Variants in RPGRIP1L observed in about 807,000 individuals in gnomAD.
RPGRIP1L encodes protein fantom.
A neutral mutation model predicts 160.4 loss-of-function variants in RPGRIP1L; 131 were observed. The ratio of observed to expected loss-of-function variants is 0.82; its 90% CI spans 0.71 to 0.94. The LOEUF (loss-of-function observed/expected upper bound fraction) is 0.94. Ranked by LOEUF, RPGRIP1L falls within the 40% of genes least tolerant of loss-of-function variation. The probability of loss-of-function intolerance (pLI) is 0.00; values close to 1 mark genes in which losing one functional copy is unlikely to be tolerated. For missense variants in RPGRIP1L, 1,522 were observed against 1,535.8 expected, an observed-to-expected ratio of 0.99 and a Z score of 0.15; for synonymous variants, 510 against 515.8, an observed-to-expected ratio of 0.99 and a Z score of 0.15.
intron 23 of RPGRIP1L, among the ~76,000 whole-genome samples, chr16:53,621,732 G>A (rs1964725994): frequency 6.6e-6 from 1 of 152,206 alleles, no homozygotes; most frequent in Admixed American, 6.5e-5. Context: ...TGATTAAAAA[G>A]TTCAACTAGG....
chr16:53,648,887 A>G (rs2151100963), intron 16 of RPGRIP1L, 77 bp downstream of exon 16: 2 of 1,309,356 alleles, frequency 1.5e-6, no homozygotes, highest in East Asian at 2.4e-5. Context: ...AAATGATTTT[A>G]GTTTAAAGCA....
At chr16:53,625,475 T>C (rs1220611754) in intron 22 of RPGRIP1L, among the ~76,000 whole-genome samples, 5 of 130,216 alleles carry the variant, frequency 3.8e-5, no homozygotes, top group Admixed American at 3.0e-4. Context: ...ATCTGGGGGC[T>C]GGGGGGGGCG....
rs1452057408 is a variant in RPGRIP1L, at chr16:53,598,498, A to C, written c.*3578T>G. On this transcript the variant is annotated 3_prime_UTR_variant, in exon 27 of 27. Transcript: ENST00000647211. ...GGTGCAGTCCACTGGTGGCACTTTG[A>C]AATGGAAGTGAAAATTCTACCTTGT... 1 of 152,220 alleles carries C rather than the reference A, an allele frequency of 6.6e-6. No homozygotes were observed. The highest frequency in any genetic ancestry group is 1.9e-4 in the East Asian group (1 of 5,202). The allele number at this position is 152,220 out of a possible 1,614,324, so 9.4% of individuals were successfully genotyped here.
chr16:53,648,555 T>C (rs942678763), intron 16 of RPGRIP1L, among the ~76,000 whole-genome samples: 20 of 152,164 alleles, frequency 1.3e-4, no homozygotes, highest in Non-Finnish European at 2.5e-4. Flanking sequence ...GTGGTAGTTA[T>C]ATGAATCTAT....
chr16:53,671,465 G>T (rs758887350), intron 9 of RPGRIP1L, 45 bp downstream of exon 9: 1 of 1,215,016 alleles, frequency 8.2e-7, no homozygotes, highest in Admixed American at 1.7e-5. Context: ...ACATATAAAA[G>T]AGCTCAAACA....
intron 26 of RPGRIP1L, among the ~76,000 whole-genome samples, chr16:53,603,011 G>A (rs1963463042): frequency 6.6e-6 from 1 of 152,190 alleles, no homozygotes. Context: ...TTGAGTATAT[G>A]TAGGATTTTC....
chr16:53,657,159 G>A (rs1024477439), intron 13 of RPGRIP1L, among the ~76,000 whole-genome samples: 1 of 151,982 alleles, frequency 6.6e-6, no homozygotes, highest in African/African-American at 2.4e-5. Context: ...AGAATCACTT[G>A]AACCTGGGAG....
chr16:53,674,954 G>T, intron 7 of RPGRIP1L, 63 bp downstream of exon 7: 1 of 1,117,876 alleles, frequency 8.9e-7, no homozygotes, highest in Non-Finnish European at 1.3e-6. Context: ...AAAACAACTT[G>T]AATACTACTT....
chr16:53,643,360 T>C (rs1223049152), intron 17 of RPGRIP1L, among the ~76,000 whole-genome samples: 1 of 149,688 alleles, frequency 6.7e-6, no homozygotes, highest in Middle Eastern at 3.5e-3. Flanking sequence ...TTATAGCTCA[T>C]GATGTGGAAG....
chr16:53,671,380 G>T (rs1263743959), intron 9 of RPGRIP1L, 130 bp downstream of exon 9: 3 of 664,382 alleles, frequency 4.5e-6, no homozygotes, highest in Non-Finnish European at 8.0e-6. Flanking sequence ...CCTTTATACA[G>T]TTTGCATATT....
At chr16:53,634,158 C>CA (rs56662526) in intron 22 of RPGRIP1L, among the ~76,000 whole-genome samples, 7,781 of 152,252 alleles carry the variant, frequency 0.051, 407 homozygotes, top group East Asian at 0.31. Context: ...TGTGTTCTTA[C>CA]ATGGCAGAAG....
chr16:53,694,088 T>G (rs1009527119), intron 3 of RPGRIP1L: 1 of 152,202 alleles, frequency 6.6e-6, no homozygotes, highest in Admixed American at 6.5e-5. Flanking sequence ...TTGATTATTT[T>G]ATCATATTAA....
In RPGRIP1L at chr16:53,652,595, A is replaced by G; in HGVS notation, c.2092T>C (p.Leu698=). The G allele has an allele frequency of 6.2e-7, 1 of 1,614,138 alleles. No individual in the cohort carries two copies. The highest frequency in any genetic ancestry group is 8.5e-7 in the Non-Finnish European group (1 of 1,179,996). Residue 698 remains leucine (L), a synonymous_variant, in exon 15 of 27, where the codon TTA becomes CTA. Transcript: ENST00000647211. ...TTTTCAAGAATTTCGTGAAATTTTA[A>G]TTGACATGCTGCAATTGTTTCATAT... ...TEYETIAACQ[L]KFHEILEKSG... is the part of the protein sequence containing the mutation.
chr16:53,602,008 A>C lies in RPGRIP1L; in HGVS notation c.*68T>G, dbSNP rs1393802623. 1.1e-6 allele frequency: 1 copy of C among 926,238 alleles called. No homozygotes were observed. Among genetic ancestry groups the C allele is most frequent in the East Asian group, 2.5e-5 (1 of 39,382 alleles). The allele number at this position is 926,238 out of a possible 1,614,324, so 57.4% of individuals were successfully genotyped here. A position where few individuals can be genotyped will look rare whatever the true frequency, so the allele number is the denominator to read the frequency against. On this transcript the variant is annotated 3_prime_UTR_variant, in exon 27 of 27. Transcript: ENST00000647211. ...TTATATACACCAGAGTAATTACAAA[A>C]ATCTCATGTAGGAACTTTCATGTGA...
chr16:53,626,570 T>C (rs2388231), intron 22 of RPGRIP1L, among the ~76,000 whole-genome samples: 73,066 of 151,916 alleles, frequency 0.48, 21,536 homozygotes, highest in African/African-American at 0.83. Flanking sequence ...TTTGGGAGGC[T>C]GAGGCAAGTG....
intron 17 of RPGRIP1L, among the ~76,000 whole-genome samples, chr16:53,644,969 T>C (rs1207092888): frequency 1.3e-5 from 2 of 152,156 alleles, no homozygotes; most frequent in Non-Finnish European, 1.5e-5. Context: ...TTTTCTCCTC[T>C]TAACTGATTT....
At chr16:53,628,992 GTGTGTATAAA>G (rs1965342754) in intron 22 of RPGRIP1L, among the ~76,000 whole-genome samples, 2 of 152,066 alleles carry the variant, frequency 1.3e-5, no homozygotes, top group Non-Finnish European at 2.9e-5. Flanking sequence ...TGGTGTGTGT[GTGTGTATAAA>G]TGTGTATAAA....
At chr16:53,608,839 T>C (rs1963845784) in intron 25 of RPGRIP1L, among the ~76,000 whole-genome samples, 1 of 152,106 alleles carries the variant, frequency 6.6e-6, no homozygotes, top group African/African-American at 2.4e-5. Flanking sequence ...AACATACATG[T>C]AAACGCCTCT....
chr16:53,644,601 C>T (rs1425431227), intron 17 of RPGRIP1L, among the ~76,000 whole-genome samples: 4 of 152,012 alleles, frequency 2.6e-5, no homozygotes, highest in Non-Finnish European at 5.9e-5. Flanking sequence ...TATGAGAGAA[C>T]CACAATAAAA....
Sources: allele counts gnomAD v4.1 joint callset (sites outside exome capture counted in the v4.1 genomes callset), GRCh38; gene constraint gnomAD v4.1.1; transcripts MANE v1.5; gene names NCBI Gene and HGNC (gene_info 2026-07-23, HGNC 2026-07-21).